The following CACHD1 variants were observed in gnomAD, a reference collection of about 807,000 sequenced individuals.
CACHD1 encodes the protein VWFA and cache domain-containing protein 1.
CACHD1 carries 71 observed loss-of-function variants against 138.7 expected under a neutral mutation model. That is an observed-to-expected ratio of 0.51 (90% CI 0.42 to 0.62). The LOEUF (loss-of-function observed/expected upper bound fraction) is 0.62, where lower values mean the gene tolerates loss of function less well. Among genes scored for constraint, CACHD1 ranks in the 20% least tolerant of loss-of-function variants. The probability of loss-of-function intolerance (pLI) is 0.00; values close to 1 mark genes in which losing one functional copy is unlikely to be tolerated. For missense variants in CACHD1, 1,389 were observed against 1,625.3 expected (o/e 0.85, Z 2.50); for synonymous variants, 578 against 591.5 (o/e 0.98, Z 0.33).
intron 3 of CACHD1, among the ~76,000 whole-genome samples, chr1:64,589,083 TTC>T (rs746232671): frequency 6.6e-4 from 100 of 152,316 alleles, no homozygotes; most frequent in Admixed American, 1.2e-3. Context: ...TGAATAGATA[TTC>T]TCTCAGGGGA....
intron 1 of CACHD1, among the ~76,000 whole-genome samples, chr1:64,508,672 A>G (rs577635376): frequency 1.3e-5 from 2 of 152,262 alleles, no homozygotes; most frequent in East Asian, 3.9e-4. Flanking sequence ...TCAAGTCCCT[A>G]AGTTGTTCTC....
intron 13 of CACHD1, among the ~76,000 whole-genome samples, chr1:64,663,289 A>G (rs1381479677): frequency 6.6e-6 from 1 of 152,206 alleles, no homozygotes; most frequent in Non-Finnish European, 1.5e-5. Flanking sequence ...GCAGTGGCTC[A>G]TGCCTGTAAT....
intron 1 of CACHD1, among the ~76,000 whole-genome samples, chr1:64,510,296 C>G (rs1570316853): frequency 6.6e-6 from 1 of 152,278 alleles, no homozygotes; most frequent in South Asian, 2.1e-4. Flanking sequence ...CATCTTTGCA[C>G]CCTTTCAGCT....
At chr1:64,505,150 T>C (rs1032610620) in intron 1 of CACHD1, among the ~76,000 whole-genome samples, 1 of 152,204 alleles carries the variant, frequency 6.6e-6, no homozygotes, top group African/African-American at 2.4e-5. Flanking sequence ...CTTTTTATTA[T>C]ACCACCACCC....
chr1:64,637,582 C>G (rs1014997741), intron 7 of CACHD1, among the ~76,000 whole-genome samples: 5 of 152,192 alleles, frequency 3.3e-5, no homozygotes, highest in African/African-American at 1.2e-4. Flanking sequence ...CATTTCTCCT[C>G]TGGATTTTTC....
At chr1:64,550,082 A>G (rs941423026) in intron 1 of CACHD1, among the ~76,000 whole-genome samples, 6 of 152,148 alleles carry the variant, frequency 3.9e-5, no homozygotes, top group African/African-American at 1.2e-4. Context: ...AAGTCCACAC[A>G]TATTTGGCAA....
intron 1 of CACHD1, among the ~76,000 whole-genome samples, chr1:64,545,224 A>T (rs1646709731): frequency 6.6e-6 from 1 of 152,224 alleles, no homozygotes; most frequent in African/African-American, 2.4e-5. Context: ...TTTAAAGTAA[A>T]TTTATTGAAG....
At chr1:64,499,551 G>A (rs1012361827) in intron 1 of CACHD1, among the ~76,000 whole-genome samples, 33 of 152,220 alleles carry the variant, frequency 2.2e-4, no homozygotes, top group African/African-American at 7.0e-4. Context: ...AGAATTCAAG[G>A]AGTCCGTGAA....
chr1:64,676,399 A>G (rs949580519), intron 21 of CACHD1, among the ~76,000 whole-genome samples: 3 of 152,162 alleles, frequency 2.0e-5, no homozygotes, highest in Non-Finnish European at 4.4e-5. Context: ...ACAGATTTTA[A>G]CACCAGGAAA....
chr1:64,664,731 G>A, intron 15 of CACHD1, 52 bp downstream of exon 15: 1 of 1,552,054 alleles, frequency 6.4e-7, no homozygotes. Context: ...ATCCTGGAGA[G>A]ACATGGTAAG....
chr1:64,604,311 G>A (rs1647275030), intron 4 of CACHD1, among the ~76,000 whole-genome samples: 1 of 152,182 alleles, frequency 6.6e-6, no homozygotes, highest in South Asian at 2.1e-4. Flanking sequence ...GGAACCCTCT[G>A]TAGCAAGTGA....
intron 2 of CACHD1, among the ~76,000 whole-genome samples, chr1:64,572,933 A>C (rs1646937707): frequency 6.6e-6 from 1 of 152,144 alleles, no homozygotes; most frequent in Admixed American, 6.5e-5. Flanking sequence ...CCAGGTCTTC[A>C]TCTATCTTGT....
chr1:64,633,691 ACTCTCTTACCCTCACCC>A (rs1212670969), intron 6 of CACHD1, among the ~76,000 whole-genome samples: 2 of 152,064 alleles, frequency 1.3e-5, no homozygotes, highest in Non-Finnish European at 2.9e-5. Flanking sequence ...CACACACCTC[ACTCTCTTACCCTCACCC>A]CTCACCTCCA....
At chr1:64,495,393 T>G (rs10465846) in intron 1 of CACHD1, among the ~76,000 whole-genome samples, 1 of 152,090 alleles carries the variant, frequency 6.6e-6, no homozygotes. Context: ...TTCTCATGTA[T>G]TAGGAAAAGC....
At chr1:64,543,427 T>TATATATATATA (rs1646693613) in intron 1 of CACHD1, among the ~76,000 whole-genome samples, 3 of 68,392 alleles carry the variant, frequency 4.4e-5, no homozygotes, top group African/African-American at 2.0e-4. Flanking sequence ...ATATATATAT[T>TATATATATATA]TAAATTAGCC....
chr1:64,616,922 A>G (rs1490893411), intron 4 of CACHD1, among the ~76,000 whole-genome samples: 2 of 152,172 alleles, frequency 1.3e-5, no homozygotes, highest in African/African-American at 4.8e-5. Context: ...TTAGTTGCAT[A>G]GCTGAGACAA....
At chr1:64,637,598 T>C (rs1648569581) in intron 7 of CACHD1, among the ~76,000 whole-genome samples, 1 of 152,242 alleles carries the variant, frequency 6.6e-6, no homozygotes, top group Non-Finnish European at 1.5e-5. Context: ...TTTTCTGTGT[T>C]GTTTTTCTTA....
chr1:64,525,270 A>G (rs1408318093), intron 1 of CACHD1, among the ~76,000 whole-genome samples: 1 of 152,230 alleles, frequency 6.6e-6, no homozygotes, highest in Admixed American at 6.5e-5. Context: ...GATCAGAGAC[A>G]GGAAATAAAA....
Position 64,541,639 on chromosome 1 carries a change from C to T in CACHD1, c.199-8955C>T, listed in dbSNP as rs997544154. Reference sequence around the variant, plus strand: ...CCTGGACAACATAGCGACACCCTGTCTCTACCAAACAAAACAAAACAAAAC... The same window carrying T: ...CCTGGACAACATAGCGACACCCTGTTTCTACCAAACAAAACAAAACAAAAC... On this transcript the variant is annotated intron_variant, in intron 1 of 26. Transcript: ENST00000651257. Among the ~76,000 whole-genome samples the T allele has an allele frequency of 3.9e-5, 6 of 151,972 alleles. No homozygotes were observed. In the East Asian group the frequency reaches 1.2e-3, roughly 29 times the overall value.
Sources: allele counts gnomAD v4.1 joint callset (sites outside exome capture counted in the v4.1 genomes callset), GRCh38; gene constraint gnomAD v4.1.1; transcripts MANE v1.5; gene names NCBI Gene and HGNC (gene_info 2026-07-23, HGNC 2026-07-21).